Variants in TTN observed in about 807,000 individuals in gnomAD.
TTN encodes titin.
Under a neutral mutation model 3,223.0 loss-of-function variants are expected in TTN, and 1,525 were observed. The observed-to-expected ratio is 0.47, with a 90% CI of 0.45 to 0.49. TTN has a LOEUF of 0.49. TTN is among the 20% of genes least tolerant of loss of function. TTN has a pLI of 0.00. For missense variants in TTN, 40,786 were observed against 43,424.0 expected (o/e 0.94, Z 5.40); for synonymous variants, 14,094 against 15,161.0 (o/e 0.93, Z 5.17).
rs1688567795 is a variant in TTN at position 178,530,377 on chromosome 2, G to C, written c.106238C>G (p.Pro35413Arg). 1 of 1,613,922 alleles carries C rather than the reference G, an allele frequency of 6.2e-7. No individual in the cohort carries two copies. The highest frequency in any genetic ancestry group is 8.5e-7 in the Non-Finnish European group (1 of 1,179,860). The stretch of plus-strand genomic sequence containing the variant: ...TACTGGTTTTGAGGAAATTGGTTCA[G>C]GAGCTTTTGGTTCAGTTTTTCTGGT... The part of the protein sequence containing the change: ...TVTRKTEPKA[P>R]EPISSKPVIV... Residue 35413 changes from proline (P) to arginine (R), a missense_variant, in exon 358 of 363, where the codon CCT (proline) becomes CGT (arginine). By Grantham distance (103) the Pro-to-Arg change is moderately radical. Transcript: ENST00000589042.
At position 178,567,555 on chromosome 2, in the gene TTN, T is replaced by G. The variant is rs727505241; in HGVS notation, c.78577A>C (p.Ile26193Leu). 9.9e-6 allele frequency: 16 copies of G among 1,609,646 alleles called. No individual in the cohort carries two copies. Among genetic ancestry groups the G allele is most frequent in the Non-Finnish European group, 1.4e-5 (16 of 1,177,684 alleles). Residue 26193 changes from isoleucine to leucine, a missense_variant, in exon 326 of 363, where the codon ATT becomes CTT. Ile to Leu is a conservative substitution (Grantham distance 5). Transcript: ENST00000589042. ...TAKDEVELPR[I>L]SMDPKFRDTI... is the part of the protein sequence containing the mutation. ...TCTCTGAATTTTGGATCCATTGAAA[T>G]TCTTGGGAGTTCAACCTCATCCTTG...
In TTN at chr2:178,732,863, T is replaced by C. The variant is rs190636272; in HGVS notation, c.16313A>G (p.Lys5438Arg). The C allele has an allele frequency of 8.0e-4, 1,295 of 1,613,012 alleles. No homozygotes were observed. The highest frequency in any genetic ancestry group is 1.0e-3 in the Non-Finnish European group (1,228 of 1,179,260). ...CACAATCAGGGCTCCACTGCTGTCT[T>C]TGCTTCCCACGGAATTTGTGGCTCG... ...TCRATNSVGS[K>R]DSSGALIVQE... is the part of the protein sequence containing the mutation. The change falls in exon 55 of 363, where the codon AAA (lysine) becomes AGA (arginine). Residue 5438 changes from lysine to arginine, a missense_variant. Coordinates refer to ENST00000589042, the MANE Select transcript of TTN (RefSeq NM_001267550.2).
chr2:178,621,811 T>C (rs1029530208), intron 244 of TTN, 29 bp downstream of exon 244: 10 of 1,611,016 alleles, frequency 6.2e-6, no homozygotes, highest in African/African-American at 1.3e-5. Flanking sequence ...CCAACACATA[T>C]ACTTCACAAA....
chr2:178,542,465 G>A lies in TTN; in HGVS notation c.97291C>T (p.Pro32431Ser). ...WEPPELDGGA[P>S]LSGYVVEQRD... ...TGTTCTACCACATAACCACTCAGTG[G>A]AGCACCACCGTCCAATTCAGGTGGT... The change falls in exon 349 of 363, where the codon CCA becomes TCA. Residue 32431 changes from proline (P) to serine (S), a missense_variant. Coordinates refer to ENST00000589042, the MANE Select transcript of TTN (RefSeq NM_001267550.2). The A allele has an allele frequency of 6.2e-7, 1 of 1,613,632 alleles. No individual in the cohort carries two copies. The highest frequency in any genetic ancestry group is 8.5e-7 in the Non-Finnish European group (1 of 1,179,722).
intron 242 of TTN, among the ~76,000 whole-genome samples, chr2:178,623,088 A>G (rs1453569250): frequency 1.3e-5 from 2 of 151,906 alleles, no homozygotes; most frequent in African/African-American, 4.8e-5. Flanking sequence ...GCACTGCACC[A>G]GACTTGAAAG....
Position 178,728,892 on chromosome 2 carries a change from T to G in TTN, c.19146A>C (p.Gln6382His), listed in dbSNP as rs1314783097. 1 of 1,592,800 alleles carries G rather than the reference T, an allele frequency of 6.3e-7. No homozygotes were observed. The change falls in exon 65 of 363, where the codon CAA (glutamine) becomes CAC (histidine). Residue 6382 changes from glutamine to histidine, a missense_variant and splice_region_variant. Coordinates refer to ENST00000589042, the MANE Select transcript of TTN (RefSeq NM_001267550.2). ...VERCYAFLLVQEPAQIVEKAK... is the reference protein window; with the variant it reads ...VERCYAFLLVHEPAQIVEKAK... Reference sequence around the variant, plus strand: ...TTTGAAAGAGAATAGCTTACAAACCTTGTACTAAAAGGAAAGCATAACACC... The same window carrying G: ...TTTGAAAGAGAATAGCTTACAAACCGTGTACTAAAAGGAAAGCATAACACC...
chr2:178,697,208 G>T, intron 112 of TTN, 40 bp from the exon 113 acceptor site: 1 of 1,449,398 alleles, frequency 6.9e-7, no homozygotes. Context: ...TTTATTTTTA[G>T]ATTACATTAT....
At chr2:178,694,119 T>C (rs1443065193) in intron 117 of TTN, 111 bp from the exon 118 acceptor site, 8 of 781,122 alleles carry the variant, frequency 1.0e-5, no homozygotes, top group South Asian at 4.0e-5. Flanking sequence ...TGGGTTAATA[T>C]GGTAGCTTGA....
At chr2:178,635,748 A>C in intron 226 of TTN, 33 bp from the exon 227 acceptor site, 1 of 1,566,964 alleles carries the variant, frequency 6.4e-7, no homozygotes, top group Non-Finnish European at 8.6e-7. Context: ...AAAATGATTA[A>C]GGTCTGAACA....
Position 178,548,313 on chromosome 2 carries a change from G to T in TTN, c.93313C>A (p.Pro31105Thr). The T allele has an allele frequency of 6.2e-7, 1 of 1,613,780 alleles. No homozygotes were observed. ...EYGVGEPYEM[P>T]EPIVATEQPA... ...TGTTCTGTGGCTACAATTGGTTCTG[G>T]CATTTCATAGGGCTCACCAACACCA... Residue 31105 changes from proline (P) to threonine (T), a missense_variant, in exon 339 of 363, where the codon CCA (proline) becomes ACA (threonine). Pro to Thr is a conservative substitution (Grantham distance 38). Transcript: ENST00000589042. The surrounding 1 kb of genome is among the most constrained non-coding windows in gnomAD (Gnocchi z 4.3).
At chr2:178,595,940 A>T in intron 294 of TTN, 131 bp from the exon 295 acceptor site, 1 of 742,602 alleles carries the variant, frequency 1.3e-6, no homozygotes. Flanking sequence ...TAATTGAGTT[A>T]GTTTTTCCTT....
chr2:178,633,469 C>T lies in TTN; in HGVS notation c.42890G>A (p.Gly14297Asp). ...TGTGCCACAGTCACACACATATTCG[C>T]CTTTATCTTTAAGGTCCGCCTTTTT... The part of the protein sequence containing the change: ...KIKKADLKDK[G>D]EYVCDCGTDK... Residue 14297 changes from glycine to aspartate, a missense_variant, in exon 232 of 363, where the codon GGC becomes GAC. Transcript: ENST00000589042. 6.2e-7 allele frequency: 1 copy of T among 1,613,336 alleles called. No homozygotes were observed. Among genetic ancestry groups the T allele is most frequent in the Non-Finnish European group, 8.5e-7 (1 of 1,179,578 alleles).
chr2:178,675,333 G>A, intron 149 of TTN: 1 of 402,128 alleles, frequency 2.5e-6, no homozygotes, highest in Admixed American at 4.5e-5. Flanking sequence ...TTTACTGCTG[G>A]AGCCTCTATT....
intron 288 of TTN, 72 bp from the exon 289 acceptor site, chr2:178,599,922 C>T (rs1182708169): frequency 8.4e-6 from 12 of 1,427,676 alleles, no homozygotes; most frequent in Non-Finnish European, 1.1e-5. Context: ...TTCACAGTTA[C>T]TATAAAGTTG....
Position 178,530,748 on chromosome 2 carries a change from A to T in TTN, c.105867T>A (p.Thr35289=). 2 of 1,613,794 alleles carry T rather than the reference A, an allele frequency of 1.2e-6. No individual in the cohort carries two copies. The highest frequency in any genetic ancestry group is 1.7e-6 in the Non-Finnish European group (2 of 1,179,844). Residue 35289 remains threonine (T), a synonymous_variant, in exon 358 of 363, where the codon ACT becomes ACA. Coordinates refer to ENST00000589042, the MANE Select transcript of TTN (RefSeq NM_001267550.2). ...TAGAAGCTTCTGCTTTCAGGAACTG[A>T]GTAATCTTTGGTGGGGCAGAGACTG... ...HLPVSAPPKI[T]QFLKAEASKE...
chr2:178,779,556 T>G, intron 22 of TTN, 94 bp from the exon 23 acceptor site: 2 of 854,652 alleles, frequency 2.3e-6, no homozygotes, highest in Non-Finnish European at 3.6e-6. Flanking sequence ...TTGAAGTTTT[T>G]AGCTGGGAGA....
rs1219288687 is a variant in TTN, at chr2:178,640,533, A to C, written c.40723+8T>G. ...TAGAGACAACTAAGAATGACAGTAG[A>C]TTTGTACCTTTTGTTGGTTCAGGAA... On this transcript the variant is annotated splice_region_variant and intron_variant, in intron 221 of 362. Transcript: ENST00000589042. 6.2e-7 allele frequency: 1 copy of C among 1,602,006 alleles called. No homozygotes were observed. The highest frequency in any genetic ancestry group is 1.7e-5 in the Admixed American group (1 of 57,804).
At position 178,536,032 on chromosome 2, in the gene TTN, G is replaced by A. The variant is rs1691357196; in HGVS notation, c.100715C>T (p.Ala33572Val). 1 of 1,581,244 alleles carries A rather than the reference G, an allele frequency of 6.3e-7. No homozygotes were observed. The highest frequency in any genetic ancestry group is 1.2e-5 in the South Asian group (1 of 84,972). ...AGACACAGATCCCCCTTGGTTGGTA[G>A]CTCTGACTTGGTAAACTGTGGCATC... ...DDDATVYQVR[A>V]TNQGGSVSGT... The change falls in exon 357 of 363, where the codon GCT (alanine) becomes GTT (valine). Residue 33572 changes from alanine (A) to valine (V), a missense_variant. Physicochemically the swap from Ala to Val is moderately conservative, Grantham distance 64. Coordinates refer to ENST00000589042, the MANE Select transcript of TTN (RefSeq NM_001267550.2).
chr2:178,647,614 A>C (rs2062226869), intron 213 of TTN, 150 bp from the exon 214 acceptor site: 2 of 672,240 alleles, frequency 3.0e-6, no homozygotes, highest in Admixed American at 5.5e-5. Context: ...TGGACATCCT[A>C]ATTTTATATA....
Sources: allele counts gnomAD v4.1 joint callset (sites outside exome capture counted in the v4.1 genomes callset), GRCh38; gene constraint gnomAD v4.1.1; non-coding constraint Gnocchi (gnomAD v3.1); transcripts MANE v1.5; gene names NCBI Gene and HGNC (gene_info 2026-07-23, HGNC 2026-07-21).